CLSTN2: variants seen among roughly 807,000 people sequenced by gnomAD.
CLSTN2 encodes calsyntenin-2.
In CLSTN2, 48 loss-of-function variants were observed where a neutral mutation model predicts 101.2. That is an observed-to-expected ratio of 0.47 (90% CI 0.38 to 0.60). The LOEUF (loss-of-function observed/expected upper bound fraction) is 0.60. Ranked by LOEUF, CLSTN2 falls within the 20% of genes least tolerant of loss-of-function variation. CLSTN2 has a pLI of 0.00. For missense variants in CLSTN2, 1,160 were observed against 1,238.2 expected (o/e 0.94, Z 0.95); for synonymous variants, 481 against 463.6 (o/e 1.04, Z -0.48).
chr3:140,268,589 A>C (rs2086715823), intron 2 of CLSTN2, among the ~76,000 whole-genome samples: 1 of 152,220 alleles, frequency 6.6e-6, no homozygotes, highest in African/African-American at 2.4e-5. Flanking sequence ...ACTCACAAAA[A>C]TTTGGCTTGA....
intron 2 of CLSTN2, among the ~76,000 whole-genome samples, chr3:140,248,290 A>G (rs529846292): frequency 6.6e-6 from 1 of 152,346 alleles, no homozygotes; most frequent in South Asian, 2.1e-4. Context: ...TAGGGACCCC[A>G]TGAGGAAGTG....
chr3:139,990,057 G>C (rs986118896), intron 1 of CLSTN2, among the ~76,000 whole-genome samples: 4 of 152,196 alleles, frequency 2.6e-5, no homozygotes, highest in African/African-American at 9.6e-5. Flanking sequence ...TCCACATCCT[G>C]TGAATCTTTT....
In CLSTN2 at chr3:140,448,503, T is replaced by C. The variant is rs754962911; in HGVS notation, c.788-16T>C. ...CTGCACCTGATTCACTTTTCATCCT[T>C]TCCTTGTTTGTTTAGACTGGACCAA... On this transcript the variant is annotated splice_polypyrimidine_tract_variant and intron_variant, in intron 5 of 16. Transcript: ENST00000458420. 50 of 1,595,662 alleles carry C rather than the reference T, an allele frequency of 3.1e-5. No individual in the cohort carries two copies. The highest frequency in any genetic ancestry group is 4.2e-5 in the Non-Finnish European group (49 of 1,165,940).
intron 2 of CLSTN2, among the ~76,000 whole-genome samples, chr3:140,312,567 G>T (rs1184751480): frequency 6.6e-6 from 1 of 152,230 alleles, no homozygotes; most frequent in Non-Finnish European, 1.5e-5. Context: ...ATGCAAGAAA[G>T]TCTACGCCTT....
chr3:140,182,786 T>G (rs2010429504), intron 2 of CLSTN2, among the ~76,000 whole-genome samples: 1 of 152,188 alleles, frequency 6.6e-6, no homozygotes, highest in Non-Finnish European at 1.5e-5. Context: ...TCAACCTTGA[T>G]GCCCCAGTTC....
chr3:139,967,006 G>C (rs757517179), intron 1 of CLSTN2, among the ~76,000 whole-genome samples: 56 of 152,158 alleles, frequency 3.7e-4, no homozygotes, highest in Non-Finnish European at 4.4e-5. Context: ...GGGCATACAC[G>C]TGAGTAAATG....
intron 2 of CLSTN2, among the ~76,000 whole-genome samples, chr3:140,196,496 A>G (rs2010644997): frequency 6.6e-6 from 1 of 152,236 alleles, no homozygotes. Context: ...TGCTGTTTCC[A>G]GGGGAGAAAG....
intron 2 of CLSTN2, among the ~76,000 whole-genome samples, chr3:140,330,330 G>T (rs1294079397): frequency 2.0e-5 from 3 of 152,192 alleles, no homozygotes; most frequent in African/African-American, 4.8e-5. Context: ...ACATTCAGGT[G>T]CTGCCCGGAA....
chr3:139,941,934 A>C (rs190197462), intron 1 of CLSTN2, among the ~76,000 whole-genome samples: 173 of 152,322 alleles, frequency 1.1e-3, no homozygotes, highest in African/African-American at 4.1e-3. Context: ...GTAAATCTAC[A>C]ATCTTATTTT....
chr3:140,242,282 A>C (rs1406413014), intron 2 of CLSTN2, among the ~76,000 whole-genome samples: 1 of 152,166 alleles, frequency 6.6e-6, no homozygotes, highest in Non-Finnish European at 1.5e-5. Context: ...TTACTTGAGA[A>C]AGACTAACAG....
intron 1 of CLSTN2, among the ~76,000 whole-genome samples, chr3:140,000,226 G>A (rs372604262): frequency 1.3e-5 from 2 of 152,288 alleles, no homozygotes; most frequent in African/African-American, 4.8e-5. Flanking sequence ...ACATATAGCG[G>A]GCACTCAGCA....
chr3:140,135,113 C>CATAT (rs1475480824), intron 1 of CLSTN2, among the ~76,000 whole-genome samples: 51 of 52,004 alleles, frequency 9.8e-4, no homozygotes, highest in African/African-American at 6.2e-3. Context: ...CACACACACA[C>CATAT]ACACATATAT....
intron 1 of CLSTN2, among the ~76,000 whole-genome samples, chr3:140,066,116 C>T (rs1231002012): frequency 6.6e-6 from 1 of 152,166 alleles, no homozygotes; most frequent in Non-Finnish European, 1.5e-5. Flanking sequence ...GAGCTTTGCC[C>T]CTTGATTCTA....
chr3:140,146,044 C>T (rs2009776310), intron 1 of CLSTN2, among the ~76,000 whole-genome samples: 1 of 152,198 alleles, frequency 6.6e-6, no homozygotes, highest in African/African-American at 2.4e-5. Context: ...GTGAAGACTC[C>T]GGGAAAACCT....
At chr3:140,413,463 T>C in intron 4 of CLSTN2, among the ~76,000 whole-genome samples, 1 of 152,128 alleles carries the variant, frequency 6.6e-6, no homozygotes, top group East Asian at 1.9e-4. Context: ...ACAGCTGAAT[T>C]CTACCCAACA....
intron 9 of CLSTN2, among the ~76,000 whole-genome samples, chr3:140,541,531 C>T (rs1935477550): frequency 6.6e-6 from 1 of 152,154 alleles, no homozygotes; most frequent in Non-Finnish European, 1.5e-5. Context: ...AATGGTCTGT[C>T]AGAACTGGCA....
Position 140,346,382 on chromosome 3 carries a change from C to A in CLSTN2, c.233-57247C>A, listed in dbSNP as rs144546104. 2.2e-4 allele frequency among the ~76,000 whole-genome samples: 33 copies of A among 152,292 alleles called. No individual in the cohort carries two copies. The East Asian group carries it at 3.3e-3, about 15-fold the overall frequency. On this transcript the variant is annotated intron_variant, in intron 2 of 16. Transcript: ENST00000458420. ...TGTATGGAGTAGGTACAGCATGTAT[C>A]TGGCACCCTCATCTTGTTTCTGGTG...
Position 140,573,127 on chromosome 3 carries a change from T to C in CLSTN2, c.*6874T>C, listed in dbSNP as rs999554916. 3.3e-5 allele frequency: 5 copies of C among 152,216 alleles called. No individual in the cohort carries two copies. The highest frequency in any genetic ancestry group is 1.2e-4 in the African/African-American group (5 of 41,456). The allele number at this position is 152,216 out of a possible 1,614,324, so 9.4% of individuals were successfully genotyped here. ...AGGGCCATATTTTGTGGAGAAACAC[T>C]GAAACTGCAGCAGTGACCCTGGTCA... On this transcript the variant is annotated 3_prime_UTR_variant, in exon 17 of 17. Coordinates refer to ENST00000458420, the MANE Select transcript of CLSTN2 (RefSeq NM_022131.3).
intron 1 of CLSTN2, among the ~76,000 whole-genome samples, chr3:140,027,617 T>A (rs1055033660): frequency 2.0e-5 from 3 of 152,124 alleles, no homozygotes; most frequent in Non-Finnish European, 2.9e-5. Context: ...TCATTCCCCA[T>A]CCTCAATCAG....
Sources: gnomAD v4.1 joint callset for allele counts (sites outside exome capture counted in the v4.1 genomes callset) on GRCh38, gnomAD v4.1.1 for gene constraint, MANE v1.5 for transcripts, NCBI Gene and HGNC (gene_info 2026-07-23, HGNC 2026-07-21) for gene names.